The following WNK1 variants were observed in gnomAD, a reference collection of about 807,000 sequenced individuals.
The protein encoded by WNK1 is WNK lysine deficient protein kinase 1.
WNK1 carries 38 observed loss-of-function variants against 222.8 expected under a neutral mutation model. The ratio of observed to expected loss-of-function variants is 0.17; its 90% confidence interval spans 0.13 to 0.22. The LOEUF is 0.22. WNK1 is among the 10% of genes least tolerant of loss of function. WNK1 has a pLI of 1.00. For synonymous variants in WNK1, 1,090 were observed against 1,092.9 expected (o/e 1.00, Z 0.05); for missense variants, 2,348 against 2,918.4 (o/e 0.80, Z 4.50).
At chr12:826,398 G>A (rs556896734) in intron 2 of WNK1, among the ~76,000 whole-genome samples, 1 of 152,166 alleles carries the variant, frequency 6.6e-6, no homozygotes, top group South Asian at 2.1e-4. Flanking sequence ...CGCCATTTCT[G>A]TCTGGGGTTT....
At chr12:776,800 T>G (rs936444943) in intron 1 of WNK1, among the ~76,000 whole-genome samples, 37 of 152,120 alleles carry the variant, frequency 2.4e-4, no homozygotes, top group African/African-American at 8.5e-4. Flanking sequence ...GAAGTTGCAT[T>G]GTATGGTTGT....
intron 4 of WNK1, among the ~76,000 whole-genome samples, chr12:842,073 C>T (rs557882931): frequency 9.9e-5 from 15 of 152,216 alleles, no homozygotes; most frequent in Non-Finnish European, 1.6e-4. Context: ...CACAGCACAC[C>T]GTAGGCACTC....
At position 900,530 on chromosome 12, in the gene WNK1, A is replaced by G; in HGVS notation, c.6503A>G (p.His2168Arg). The change falls in exon 26 of 28, where the codon CAC becomes CGC. Residue 2168 changes from histidine (H) to arginine (R), a missense_variant. By Grantham distance (29) the His-to-Arg change is conservative. Transcript: ENST00000315939. ...GTCTTGCACCCCCAGCAGACCCTCCACCCTCCTGGCAACATCCCAGAGTCC... is the reference window on the plus strand; with the variant it reads ...GTCTTGCACCCCCAGCAGACCCTCCGCCCTCCTGGCAACATCCCAGAGTCC... ...ASVLHPQQTL[H>R]PPGNIPESGQ... 1.2e-6 allele frequency: 2 copies of G among 1,613,934 alleles called. No homozygotes were observed. Among genetic ancestry groups the G allele is most frequent in the Non-Finnish European group, 1.7e-6 (2 of 1,179,980 alleles).
chr12:774,898 T>C (rs888555632), intron 1 of WNK1, among the ~76,000 whole-genome samples: 2 of 152,228 alleles, frequency 1.3e-5, no homozygotes, highest in African/African-American at 4.8e-5. Flanking sequence ...GTTCCTTATA[T>C]CAGAATGAAT....
At chr12:842,214 T>A (rs1433174514) in intron 4 of WNK1, among the ~76,000 whole-genome samples, 1 of 152,218 alleles carries the variant, frequency 6.6e-6, no homozygotes, top group East Asian at 1.9e-4. Flanking sequence ...TTCAGAATTA[T>A]CCTACTAAAA....
intron 2 of WNK1, among the ~76,000 whole-genome samples, chr12:822,664 T>C (rs1947998848): frequency 6.6e-6 from 1 of 152,210 alleles, no homozygotes; most frequent in Non-Finnish European, 1.5e-5. Flanking sequence ...GCCTCACTCC[T>C]CCTTCCCATT....
intron 2 of WNK1, among the ~76,000 whole-genome samples, chr12:814,564 A>G (rs886162869): frequency 3.3e-5 from 5 of 152,188 alleles, no homozygotes; most frequent in African/African-American, 1.2e-4. Flanking sequence ...AGCTAGATCT[A>G]TCATTCCTTT....
intron 12 of WNK1, 113 bp from the exon 13 acceptor site, chr12:881,579 A>G: frequency 2.4e-6 from 2 of 816,512 alleles, no homozygotes; most frequent in South Asian, 2.8e-5. Flanking sequence ...TAGTAAATTT[A>G]GTGCTTCTAG....
chr12:807,713 T>A (rs1946499006), intron 1 of WNK1, among the ~76,000 whole-genome samples: 2 of 28,136 alleles, frequency 7.1e-5, no homozygotes, highest in East Asian at 3.4e-3. Flanking sequence ...CAATAATTCT[T>A]TTTTTTTTTT....
rs147923339 is a variant in WNK1, at chr12:763,047, G to A, written c.759+8723G>A. Among the ~76,000 whole-genome samples, 9 of 146,728 alleles carry A rather than the reference G, an allele frequency of 6.1e-5. 1 individual carries two copies. Among genetic ancestry groups the A allele is most frequent in the East Asian group, 4.0e-4 (2 of 5,058 alleles). ...AGGTGTGAGCCACCACTCCTGGTCC[G>A]TATTTTTATCTTTTGGTTCTGTTTA... is the stretch of plus-strand genomic sequence containing the variant. On this transcript the variant is annotated intron_variant, in intron 1 of 27. Transcript: ENST00000315939.
chr12:794,502 A>ATGTTT (rs71051384), intron 1 of WNK1, among the ~76,000 whole-genome samples: 3 of 148,118 alleles, frequency 2.0e-5, no homozygotes, highest in Non-Finnish European at 1.5e-5. Flanking sequence ...AGTTGGTTGA[A>ATGTTT]TTTTTTTTTT....
rs67749492 is a variant in WNK1 at position 809,225 on chromosome 12, GA to G, written c.760-4399del. 6.5e-3 allele frequency among the ~76,000 whole-genome samples: 786 copies of G among 120,924 alleles called. 6 individuals carry two copies. The highest frequency in any genetic ancestry group is 0.019 in the Middle Eastern group (4 of 216). The allele number at this position is 120,924 out of a possible 152,430, so 79.3% of individuals were successfully genotyped here. On this transcript the variant is annotated intron_variant, in intron 1 of 27. Coordinates refer to ENST00000315939, the MANE Select transcript of WNK1 (RefSeq NM_018979.4). ...GATTTTTTTTTCCTATTCTTTTGAG[GA>G]AAAAAAAAAAAAAAAAATTTTTTTT...
At chr12:852,842 G>T (rs1284277399) in intron 4 of WNK1, among the ~76,000 whole-genome samples, 1 of 152,120 alleles carries the variant, frequency 6.6e-6, no homozygotes, top group East Asian at 1.9e-4. Flanking sequence ...TGTCCCAGAT[G>T]ACTTTTCTGT....
chr12:875,695 A>G (rs1237309935), intron 9 of WNK1, among the ~76,000 whole-genome samples: 1 of 152,236 alleles, frequency 6.6e-6, no homozygotes, highest in African/African-American at 2.4e-5. Context: ...ATTTTACCTG[A>G]AGATACAACT....
chr12:764,911 T>A (rs1171426920), intron 1 of WNK1, among the ~76,000 whole-genome samples: 1 of 147,468 alleles, frequency 6.8e-6, no homozygotes, highest in Non-Finnish European at 1.5e-5. Flanking sequence ...TGATCTTGGC[T>A]CACTGTAACC....
intron 8 of WNK1, chr12:868,836 C>T: frequency 1.2e-6 from 2 of 1,614,026 alleles, no homozygotes; most frequent in Non-Finnish European, 8.5e-7. Context: ...GTGGTAGAGC[C>T]TATCGGACAG....
rs1265287385 is a variant in WNK1, at chr12:830,249, C to T, written c.1311+89C>T. 6.9e-6 allele frequency: 10 copies of T among 1,457,086 alleles called. No individual in the cohort carries two copies. In the East Asian group the frequency reaches 9.4e-5, roughly 14 times the overall value. The allele number at this position is 1,457,086 out of a possible 1,614,324, so 90.3% of individuals were successfully genotyped here. A position where few individuals can be genotyped will look rare whatever the true frequency, so the allele number is the denominator to read the frequency against. On this transcript the variant is annotated intron_variant, in intron 4 of 27. Coordinates refer to ENST00000315939, the MANE Select transcript of WNK1 (RefSeq NM_018979.4). The stretch of plus-strand genomic sequence containing the variant: ...TGACATCAAACCATGTAAAAGAGGA[C>T]AATAGTGGAAGGCATACTGAGTGAA...
At chr12:881,040 A>C in intron 12 of WNK1, 41 bp downstream of exon 12, 1 of 1,611,292 alleles carries the variant, frequency 6.2e-7, no homozygotes, top group African/African-American at 1.3e-5. Context: ...AAACGTATAT[A>C]TGTAATTGGA....
chr12:779,228 C>G (rs1398342280), intron 1 of WNK1, among the ~76,000 whole-genome samples: 1 of 151,970 alleles, frequency 6.6e-6, no homozygotes, highest in South Asian at 2.1e-4. Context: ...AAATTTTTGG[C>G]AGTTATTTTA....
Sources: gnomAD v4.1 joint callset for allele counts (sites outside exome capture counted in the v4.1 genomes callset) on GRCh38, gnomAD v4.1.1 for gene constraint, MANE v1.5 for transcripts, NCBI Gene and HGNC (gene_info 2026-07-23, HGNC 2026-07-21) for gene names.